The following OR6N2 variants were observed in gnomAD, a reference collection of about 807,000 sequenced individuals.
The protein encoded by OR6N2 is olfactory receptor family 6 subfamily N member 2, also known as olfactory receptor 6N2.
For synonymous variants in OR6N2, 160 were observed against 138.3 expected, an observed-to-expected ratio of 1.16 and a Z score of -1.10; for missense variants, 399 against 379.7, an observed-to-expected ratio of 1.05 and a Z score of -0.42.
At chr1:158,779,413 G>A (rs1657693618) in intron 1 of OR6N2, among the ~76,000 whole-genome samples, 1 of 152,120 alleles carries the variant, frequency 6.6e-6, no homozygotes, top group Non-Finnish European at 1.5e-5. Flanking sequence ...TATTCAATAA[G>A]ATATTAATAA....
rs181944856 is a variant in OR6N2, at chr1:158,778,873, C to A, written c.-6-1232G>T. Among the ~76,000 whole-genome samples, 374 of 151,888 alleles carry A rather than the reference C, an allele frequency of 2.5e-3. 1 individual carries two copies. Among genetic ancestry groups the A allele is most frequent in the African/African-American group, 8.6e-3 (358 of 41,412 alleles). On this transcript the variant is annotated intron_variant, in intron 1 of 1. Coordinates refer to ENST00000641131, the MANE Select transcript of OR6N2 (RefSeq NM_001005278.2). ...ACTAAAAATACAAAAAAAAAATCAG[C>A]CGGGCGTGGTGGCGGGCACCTGCAG...
At position 158,777,157 on chromosome 1, in the gene OR6N2, A is replaced by T; in HGVS notation, c.479T>A (p.Val160Asp). The T allele has an allele frequency of 6.2e-7, 1 of 1,614,114 alleles. No homozygotes were observed. Among genetic ancestry groups the T allele is most frequent in the South Asian group, 1.1e-5 (1 of 91,082 alleles). ...AAATGGGAGCTGGGAGGCAAGGATG[A>T]CCTCAGAAATGGGACACAGGAAGCC... ...TCGFLCPISE[V>D]ILASQLPFCA... The change falls in exon 2 of 2, where the codon GTC (valine) becomes GAC (aspartate). Residue 160 changes from valine to aspartate, a missense_variant. Val to Asp is a radical substitution (Grantham distance 152). Transcript: ENST00000641131.
rs368525435 is a variant in OR6N2, at chr1:158,774,232, G to C, written c.*2450C>G. 2.0e-5 allele frequency: 3 copies of C among 152,168 alleles called. No individual in the cohort carries two copies. The highest frequency in any genetic ancestry group is 6.5e-5 in the Admixed American group (1 of 15,276). 9.4% of individuals were successfully genotyped at this position (152,168 alleles called of 1,614,324 possible). The stretch of plus-strand genomic sequence containing the variant: ...ATAGCAAAAATAGTAGCAATGTACT[G>C]TGTGTTTATTTTACAAAAATATATG... On this transcript the variant is annotated 3_prime_UTR_variant, in exon 2 of 2. Transcript: ENST00000641131.
At chr1:158,779,671 T>C (rs1657700939) in intron 1 of OR6N2, among the ~76,000 whole-genome samples, 1 of 152,212 alleles carries the variant, frequency 6.6e-6, no homozygotes, top group South Asian at 2.1e-4. Context: ...AGGAGACAGA[T>C]ATGTTAAAAA....
At position 158,777,534 on chromosome 1, in the gene OR6N2, T is replaced by C. The variant is rs1355122188; in HGVS notation, c.102A>G (p.Ala34=). 1 of 1,613,964 alleles carries C rather than the reference T, an allele frequency of 6.2e-7. No homozygotes were observed. The highest frequency in any genetic ancestry group is 8.5e-7 in the Non-Finnish European group (1 of 1,180,022). ...TGTTACCACAGATGGTGAACAGGTA[T>C]GCCAATAGCAGCAGGACAAAAAGCC... is the stretch of plus-strand genomic sequence containing the variant. ...RGWLFVLLLL[A]YLFTICGNML... is the part of the protein sequence containing the mutation. Residue 34 remains alanine, a synonymous_variant, in exon 2 of 2, where the codon GCA becomes GCG. Transcript: ENST00000641131.
rs1330637738 is a variant in OR6N2, at chr1:158,775,319, G to A, written c.*1363C>T. The stretch of plus-strand genomic sequence containing the variant: ...GGAGGAGTGAACCAAATGAAATGTT[G>A]GGGAAAAAACGGAGTGAAGATCCTG... On this transcript the variant is annotated 3_prime_UTR_variant, in exon 2 of 2. Coordinates refer to ENST00000641131, the MANE Select transcript of OR6N2 (RefSeq NM_001005278.2). The A allele has an allele frequency of 6.6e-6, 1 of 152,058 alleles. No individual in the cohort carries two copies. Among genetic ancestry groups the A allele is most frequent in the Non-Finnish European group, 1.5e-5 (1 of 68,000 alleles). The allele number at this position is 152,058 out of a possible 1,614,324, so 9.4% of individuals were successfully genotyped here. A position where few individuals can be genotyped will look rare whatever the true frequency, so the allele number is the denominator to read the frequency against.
chr1:158,780,361 A>T (rs147242183), intron 1 of OR6N2, among the ~76,000 whole-genome samples: 11 of 152,298 alleles, frequency 7.2e-5, no homozygotes, highest in African/African-American at 2.6e-4. Flanking sequence ...TGGACCCCAA[A>T]TTATTGCATG....
Position 158,776,859 on chromosome 1 carries a change from A to G in OR6N2, c.777T>C (p.Tyr259=). ...LIFFGSIIFM[Y]VRLKKSYSLT... ...GGGAATAGCTCTTCTTTAGCCGCAC[A>G]TACATGAAGATGATGCTCCCAAAGA... Residue 259 remains tyrosine, a synonymous_variant, in exon 2 of 2, where the codon TAT becomes TAC. Coordinates refer to ENST00000641131, the MANE Select transcript of OR6N2 (RefSeq NM_001005278.2). 2 of 1,614,206 alleles carry G rather than the reference A, an allele frequency of 1.2e-6. No individual in the cohort carries two copies. The highest frequency in any genetic ancestry group is 1.7e-6 in the Non-Finnish European group (2 of 1,180,038).
Position 158,775,899 on chromosome 1 carries a change from A to G in OR6N2, c.*783T>C, listed in dbSNP as rs1225762865. On this transcript the variant is annotated 3_prime_UTR_variant, in exon 2 of 2. Transcript: ENST00000641131. ...TTTAAGAAATCAATTTTGACATGTTAAGTTTTAAATTATTGACAAGTCCAA... is the reference window on the plus strand; with the variant it reads ...TTTAAGAAATCAATTTTGACATGTTGAGTTTTAAATTATTGACAAGTCCAA... 6.6e-6 allele frequency: 1 copy of G among 152,198 alleles called. No homozygotes were observed. Among genetic ancestry groups the G allele is most frequent in the African/African-American group, 2.4e-5 (1 of 41,450 alleles). The allele number at this position is 152,198 out of a possible 1,614,324, so 9.4% of individuals were successfully genotyped here. A position where few individuals can be genotyped will look rare whatever the true frequency, so the allele number is the denominator to read the frequency against.
In OR6N2 at chr1:158,776,682, T is replaced by A; in HGVS notation, c.954A>T (p.Ter318CysextTer18). 6.4e-7 allele frequency: 1 copy of A among 1,574,762 alleles called. No homozygotes were observed. Among genetic ancestry groups the A allele is most frequent in the Non-Finnish European group, 8.7e-7 (1 of 1,153,526 alleles). ...GGTGAGAAAGGACATGGGAAGAAAGTCAAAGATGAGCAAGACTAGCTTTAT... is the reference window on the plus strand; with the variant it reads ...GGTGAGAAAGGACATGGGAAGAAAGACAAAGATGAGCAAGACTAGCTTTAT... ...KGDKASLAHL* is the reference protein window; with the variant it reads ...KGDKASLAHLC The change falls in exon 2 of 2, where the codon TGA becomes TGT. Residue 318 changes from the stop codon to cysteine, a stop_lost. Transcript: ENST00000641131.
Position 158,777,050 on chromosome 1 carries a change from T to C in OR6N2, c.586A>G (p.Ile196Val), listed in dbSNP as rs1038626724. 10 of 1,614,008 alleles carry C rather than the reference T, an allele frequency of 6.2e-6. No homozygotes were observed. Among genetic ancestry groups the C allele is most frequent in the Non-Finnish European group, 8.5e-6 (10 of 1,180,006 alleles). The change falls in exon 2 of 2, where the codon ATT becomes GTT. Residue 196 changes from isoleucine to valine, a missense_variant. Coordinates refer to ENST00000641131, the MANE Select transcript of OR6N2 (RefSeq NM_001005278.2). Reference sequence around the variant, plus strand: ...GCATTAATGGCAAAGTCCACCAGAATGTTAGCAGATGTGTCCTTGCAGGCC... The same window carrying C: ...GCATTAATGGCAAAGTCCACCAGAACGTTAGCAGATGTGTCCTTGCAGGCC... The part of the protein sequence containing the change: ...SLACKDTSAN[I>V]LVDFAINAFI...
rs750765992 is a variant in OR6N2 at position 158,774,672 on chromosome 1, A to T, written c.*2010T>A. On this transcript the variant is annotated 3_prime_UTR_variant, in exon 2 of 2. Transcript: ENST00000641131. ...CCATATCATGTTAAAAATGAATATTATCTAGGGATAGCTTACATGCCCACC... is the reference window on the plus strand; with the variant it reads ...CCATATCATGTTAAAAATGAATATTTTCTAGGGATAGCTTACATGCCCACC... 4 of 151,990 alleles carry T rather than the reference A, an allele frequency of 2.6e-5. No individual in the cohort carries two copies. Among genetic ancestry groups the T allele is most frequent in the Admixed American group, 2.0e-4 (3 of 15,254 alleles). 9.4% of individuals were successfully genotyped at this position (151,990 alleles called of 1,614,324 possible). A position where few individuals can be genotyped will look rare whatever the true frequency, so the allele number is the denominator to read the frequency against.
intron 1 of OR6N2, among the ~76,000 whole-genome samples, chr1:158,780,163 C>A (rs547700213): frequency 6.6e-6 from 1 of 152,296 alleles, no homozygotes; most frequent in Non-Finnish European, 1.5e-5. Context: ...GTTGAAAGAC[C>A]TATCATTGTT....
chr1:158,778,126 AG>A (rs1264852126), intron 1 of OR6N2, among the ~76,000 whole-genome samples: 2 of 152,238 alleles, frequency 1.3e-5, no homozygotes, highest in Non-Finnish European at 2.9e-5. Flanking sequence ...AGATTAATGT[AG>A]TAGCAAATAT....
intron 1 of OR6N2, 66 bp downstream of exon 1, chr1:158,781,104 C>G (rs1256048513): frequency 6.6e-6 from 1 of 152,176 alleles, no homozygotes; most frequent in East Asian, 1.9e-4. Context: ...TTTCAAATCC[C>G]TTATTATCAG....
chr1:158,780,059 T>A lies in OR6N2; in HGVS notation c.-7+1111A>T, dbSNP rs557111075. ...ATTTTCTCTTTTGCACCTGAACACATCCCTTTTGTTGTCTTCTTAGCAATA... is the reference window on the plus strand; with the variant it reads ...ATTTTCTCTTTTGCACCTGAACACAACCCTTTTGTTGTCTTCTTAGCAATA... On this transcript the variant is annotated intron_variant, in intron 1 of 1. Coordinates refer to ENST00000641131, the MANE Select transcript of OR6N2 (RefSeq NM_001005278.2). Among the ~76,000 whole-genome samples, 242 of 152,282 alleles carry A rather than the reference T, an allele frequency of 1.6e-3. No homozygotes were observed. In the South Asian group the frequency reaches 0.027, roughly 17 times the overall value.
Position 158,776,610 on chromosome 1 carries a change from T to C in OR6N2, c.*72A>G. The stretch of plus-strand genomic sequence containing the variant: ...AAGGAAATGAAATTCAGAGCATGTG[T>C]GATGATGGGAAGATTACTCAAGGAA... On this transcript the variant is annotated 3_prime_UTR_variant, in exon 2 of 2. Coordinates refer to ENST00000641131, the MANE Select transcript of OR6N2 (RefSeq NM_001005278.2). 1 of 802,636 alleles carries C rather than the reference T, an allele frequency of 1.2e-6. No homozygotes were observed. Among genetic ancestry groups the C allele is most frequent in the Non-Finnish European group, 2.0e-6 (1 of 494,516 alleles). 49.7% of individuals were successfully genotyped at this position (802,636 alleles called of 1,614,324 possible).
intron 1 of OR6N2, among the ~76,000 whole-genome samples, chr1:158,779,005 C>T (rs1439460134): frequency 4.3e-5 from 3 of 69,770 alleles, no homozygotes; most frequent in Non-Finnish European, 7.9e-5. Flanking sequence ...GGCGACAGTG[C>T]GAGACTGCGT....
In OR6N2 at chr1:158,776,676, A is replaced by G; in HGVS notation, c.*6T>C. 6.5e-7 allele frequency: 1 copy of G among 1,550,070 alleles called. No homozygotes were observed. The highest frequency in any genetic ancestry group is 1.2e-5 in the South Asian group (1 of 85,406). ...CATTGAGGTGAGAAAGGACATGGGA[A>G]GAAAGTCAAAGATGAGCAAGACTAG... On this transcript the variant is annotated 3_prime_UTR_variant, in exon 2 of 2. Coordinates refer to ENST00000641131, the MANE Select transcript of OR6N2 (RefSeq NM_001005278.2).
Sources: gnomAD v4.1 joint callset for allele counts (sites outside exome capture counted in the v4.1 genomes callset) on GRCh38, gnomAD v4.1.1 for gene constraint, MANE v1.5 for transcripts, NCBI Gene and HGNC (gene_info 2026-07-23, HGNC 2026-07-21) for gene names.